GPR179: variants seen among roughly 807,000 people sequenced by gnomAD.
GPR179 encodes the protein G protein-coupled receptor 179.
Under a neutral mutation model 70.8 loss-of-function variants are expected in GPR179, and 52 were observed. The ratio of observed to expected loss-of-function variants is 0.73; its 90% CI spans 0.59 to 0.93. GPR179 has a LOEUF of 0.93. Ranked by LOEUF, GPR179 falls within the 40% of genes least tolerant of loss-of-function variation. The pLI, the probability that GPR179 is intolerant of heterozygous loss-of-function variation, is 0.00. For synonymous variants in GPR179, 1,123 were observed against 1,169.0 expected (o/e 0.96, Z 0.80); for missense variants, 2,734 against 2,966.8 (o/e 0.92, Z 1.82).
chr17:38,335,493 G>T (rs4794778), intron 6 of GPR179, 98 bp downstream of exon 6: 769,737 of 910,278 alleles, frequency 0.85, 331,330 homozygotes, highest in East Asian at 0.89. Flanking sequence ...AGGGGAGTGG[G>T]GCTGGCAAGG....
Position 38,337,629 on chromosome 17 carries a change from AT to A in GPR179, c.991+3del. 1.9e-6 allele frequency: 3 copies of A among 1,604,576 alleles called. No homozygotes were observed. The highest frequency in any genetic ancestry group is 3.4e-5 in the Admixed American group (2 of 58,264). Reference sequence around the variant, plus strand: ...CATGCCTGGCCCCCACCACACTTACATACCCCCAGAGGGGCTTGCCCCGTAG... The same window carrying A: ...CATGCCTGGCCCCCACCACACTTACAACCCCCAGAGGGGCTTGCCCCGTAG... On this transcript the variant is annotated splice_donor_region_variant and intron_variant, in intron 3 of 10. Coordinates refer to ENST00000616987, the MANE Select transcript of GPR179 (RefSeq NM_001004334.4).
Position 38,343,750 on chromosome 17 carries a change from C to A in GPR179, c.40G>T (p.Gly14Trp), listed in dbSNP as rs1451718907. The A allele has an allele frequency of 6.5e-7, 1 of 1,542,238 alleles. No homozygotes were observed. Among genetic ancestry groups the A allele is most frequent in the African/African-American group, 1.4e-5 (1 of 72,890 alleles). The change falls in exon 1 of 11, where the codon GGG (glycine) becomes TGG (tryptophan). Residue 14 changes from glycine to tryptophan, a missense_variant. Gly to Trp is a radical substitution (Grantham distance 184, BLOSUM62 -2). Coordinates refer to ENST00000616987, the MANE Select transcript of GPR179 (RefSeq NM_001004334.4). The surrounding 1 kb of genome is among the most constrained non-coding windows in gnomAD (Gnocchi z 4.2). ...RGAVMPPPMWGLLGCCFVCAW... is the reference protein window; with the variant it reads ...RGAVMPPPMWWLLGCCFVCAW... ...CAGACAAAACAGCAGCCCAGCAGCCCCCACATAGGAGGGGGCATGACCGCT... is the reference window on the plus strand; with the variant it reads ...CAGACAAAACAGCAGCCCAGCAGCCACCACATAGGAGGGGGCATGACCGCT...
intron 2 of GPR179, among the ~76,000 whole-genome samples, chr17:38,339,045 A>G (rs73985905): frequency 0.011 from 1,632 of 152,302 alleles, 34 homozygotes; most frequent in African/African-American, 0.037. Flanking sequence ...AGAGGAGCCC[A>G]GAGCTGTGTT....
Position 38,329,827 on chromosome 17 carries a change from C to T in GPR179, c.3742G>A (p.Val1248Ile), listed in dbSNP as rs768536049. ...HRVAEVCPWE[V>I]TESETRQPDS... Reference sequence around the variant, plus strand: ...GGCTGACGCGTTTCTGATTCAGTGACCTCCCAGGGGCATACCTCTGCCACC... The same window carrying T: ...GGCTGACGCGTTTCTGATTCAGTGATCTCCCAGGGGCATACCTCTGCCACC... The change falls in exon 11 of 11, where the codon GTC becomes ATC. Residue 1248 changes from valine (V) to isoleucine (I), a missense_variant. Physicochemically the swap from Val to Ile is conservative, Grantham distance 29 (BLOSUM62 3). Transcript: ENST00000616987. 2 of 1,614,092 alleles carry T rather than the reference C, an allele frequency of 1.2e-6. No homozygotes were observed. Among genetic ancestry groups the T allele is most frequent in the South Asian group, 2.2e-5 (2 of 91,070 alleles).
Position 38,326,732 on chromosome 17 carries a change from G to A in GPR179, c.6837C>T (p.Val2279=). ...GAAAGAAGTGATCCAGAGGCCCATG[G>A]ACTAAAAGGCATAGTGGTTTTTCAG... is the stretch of plus-strand genomic sequence containing the variant. ...TAPEKPLCLL[V]HGPLDHFFPE... is the part of the protein sequence containing the mutation. Residue 2279 remains valine, a synonymous_variant, in exon 11 of 11, where the codon GTC becomes GTT. Transcript: ENST00000616987. 1 of 1,614,220 alleles carries A rather than the reference G, an allele frequency of 6.2e-7. No individual in the cohort carries two copies. The highest frequency in any genetic ancestry group is 8.5e-7 in the Non-Finnish European group (1 of 1,180,034).
At chr17:38,335,348 C>T in intron 6 of GPR179, 77 bp from the exon 7 acceptor site, 1 of 1,085,362 alleles carries the variant, frequency 9.2e-7, no homozygotes, top group South Asian at 1.5e-5. Flanking sequence ...GCCCTGGTCT[C>T]TGTCCATTGC....
rs1346285588 is a variant in GPR179, at chr17:38,330,447, C to T, written c.3122G>A (p.Arg1041Lys). ...RALSVAVEKS[R>K]AGENEMDAED... The stretch of plus-strand genomic sequence containing the variant: ...TGCGTCCATCTCATTCTCCCCAGCC[C>T]TGCTTTTCTCTACTGCAACAGAGAG... Residue 1041 changes from arginine (R) to lysine (K), a missense_variant, in exon 11 of 11, where the codon AGG (arginine) becomes AAG (lysine). Coordinates refer to ENST00000616987, the MANE Select transcript of GPR179 (RefSeq NM_001004334.4). 1 of 1,575,408 alleles carries T rather than the reference C, an allele frequency of 6.3e-7. No individual in the cohort carries two copies. Among genetic ancestry groups the T allele is most frequent in the Non-Finnish European group, 8.6e-7 (1 of 1,157,928 alleles).
rs201453815 is a variant in GPR179 at position 38,328,596 on chromosome 17, C to A, written c.4973G>T (p.Ser1658Ile). 83 of 1,614,146 alleles carry A rather than the reference C, an allele frequency of 5.1e-5. No homozygotes were observed. In the African/African-American group the frequency reaches 9.9e-4, roughly 19 times the overall value. ...VGPWESVDPG[S>I]FSPQPRPQDT... ...TTGAGGACGTGGTTGTGGGGAGAAG[C>A]TGCCAGGGTCCACACTCTCCCAGGG... is the stretch of plus-strand genomic sequence containing the variant. Residue 1658 changes from serine (S) to isoleucine (I), a missense_variant, in exon 11 of 11, where the codon AGC becomes ATC. Transcript: ENST00000616987.
At chr17:38,337,495 G>A (rs1481805044) in intron 3 of GPR179, 138 bp downstream of exon 3, 2 of 772,346 alleles carry the variant, frequency 2.6e-6, no homozygotes, top group African/African-American at 1.8e-5. Flanking sequence ...TGCCTCTCCT[G>A]CCTCTCTCAA....
At chr17:38,340,049 G>T (rs1332275967) in intron 1 of GPR179, among the ~76,000 whole-genome samples, 1 of 152,208 alleles carries the variant, frequency 6.6e-6, no homozygotes, top group African/African-American at 2.4e-5. Context: ...TTAGATCATA[G>T]ACTTTTTTGT....
rs2037300380 is a variant in GPR179, at chr17:38,327,578, C to CA, written c.5990dup (p.Cys1998ValfsTer7). 2 of 1,614,164 alleles carry CA rather than the reference C, an allele frequency of 1.2e-6. No individual in the cohort carries two copies. The highest frequency in any genetic ancestry group is 1.7e-6 in the Non-Finnish European group (2 of 1,180,036). Reference sequence around the variant, plus strand: ...CTGCATCAGGAACATCCCATGGGCACACGTCAGCGGCCCTGCCCCCAGTGC... The same window carrying CA: ...CTGCATCAGGAACATCCCATGGGCACAACGTCAGCGGCCCTGCCCCCAGTGC... On this transcript the variant is annotated frameshift_variant, in exon 11 of 11. Transcript: ENST00000616987. LOFTEE classifies it low-confidence loss of function (END_TRUNC).
intron 10 of GPR179, among the ~76,000 whole-genome samples, chr17:38,332,964 G>A (rs1374734849): frequency 6.6e-6 from 1 of 152,262 alleles, no homozygotes; most frequent in Non-Finnish European, 1.5e-5. Flanking sequence ...TGAGAGTGGA[G>A]GATGCGAAGG....
intron 1 of GPR179, among the ~76,000 whole-genome samples, chr17:38,342,100 G>A (rs1023283824): frequency 2.6e-5 from 4 of 151,942 alleles, no homozygotes; most frequent in African/African-American, 7.2e-5. Context: ...CTGGGCGACA[G>A]AGCGAGACTC....
chr17:38,333,315 G>A lies in GPR179; in HGVS notation c.1973C>T (p.Ser658Phe). The A allele has an allele frequency of 6.2e-7, 1 of 1,614,052 alleles. No individual in the cohort carries two copies. The highest frequency in any genetic ancestry group is 8.5e-7 in the Non-Finnish European group (1 of 1,179,958). ...TGAGGCGATGCTGCTGCCAAGGTAG[G>A]AGCCTGAGTGCTGCAGGTCCAGCTC... ...EDELDLQHSG[S>F]YLGSSIASAW... The change falls in exon 10 of 11, where the codon TCC (serine) becomes TTC (phenylalanine). Residue 658 changes from serine to phenylalanine, a missense_variant. Transcript: ENST00000616987.
In GPR179 at chr17:38,343,494, G is replaced by A. The variant is rs201405656; in HGVS notation, c.296C>T (p.Ala99Val). Residue 99 changes from alanine to valine, a missense_variant, in exon 1 of 11, where the codon GCG becomes GTG. Ala to Val is a moderately conservative substitution (Grantham distance 64). Coordinates refer to ENST00000616987, the MANE Select transcript of GPR179 (RefSeq NM_001004334.4). This position sits in a 1 kb window ranked among gnomAD's most constrained non-coding sequence, Gnocchi z 4.2. ...PGLPPSLQGAAGTLAQAANFL... is the reference protein window; with the variant it reads ...PGLPPSLQGAVGTLAQAANFL... The stretch of plus-strand genomic sequence containing the variant: ...ATTGGCGGCCTGGGCAAGGGTGCCC[G>A]CTGCCCCCTGTAGGCTTGGGGGGAG... 5.6e-6 allele frequency: 9 copies of A among 1,613,814 alleles called. No individual in the cohort carries two copies. The highest frequency in any genetic ancestry group is 1.6e-4 in the Middle Eastern group (1 of 6,062).
At position 38,335,203 on chromosome 17, in the gene GPR179, C is replaced by T. The variant is rs1334827836; in HGVS notation, c.1475G>A (p.Arg492Gln). The change falls in exon 7 of 11, where the codon CGG (arginine) becomes CAG (glutamine). Residue 492 changes from arginine (R) to glutamine (Q), a missense_variant. Arg to Gln is a conservative substitution (Grantham distance 43, BLOSUM62 1). Coordinates refer to ENST00000616987, the MANE Select transcript of GPR179 (RefSeq NM_001004334.4). The stretch of plus-strand genomic sequence containing the variant: ...AGGTAGCAGGAGCAGCCCCAGGTGC[C>T]GCAGCAGCCGCCCGCTGCTCAGAAG... The part of the protein sequence containing the change: ...SALLSSGRLL[R>Q]HLGLLLLPVL... 15 of 1,556,838 alleles carry T rather than the reference C, an allele frequency of 9.6e-6. No homozygotes were observed. Among genetic ancestry groups the T allele is most frequent in the Admixed American group, 3.9e-5 (2 of 51,358 alleles).
In GPR179 at chr17:38,332,253, G is replaced by A. The variant is rs189280785; in HGVS notation, c.2038-722C>T. On this transcript the variant is annotated intron_variant, in intron 10 of 10. Transcript: ENST00000616987. ...CTTTGTGGGCCTGTAAACAAGTCAG[G>A]TGTGAAGACGGCCCCAGTAGAGGTG... Among the ~76,000 whole-genome samples the A allele has an allele frequency of 5.3e-5, 8 of 152,296 alleles. No homozygotes were observed. The East Asian group carries it at 1.4e-3, about 26-fold the overall frequency.
Position 38,327,024 on chromosome 17 carries a change from A to G in GPR179, c.6545T>C (p.Val2182Ala), listed in dbSNP as rs1296484210. The change falls in exon 11 of 11, where the codon GTC (valine) becomes GCC (alanine). Residue 2182 changes from valine (V) to alanine (A), a missense_variant. Val to Ala is a moderately conservative substitution (Grantham distance 64). Transcript: ENST00000616987. ...TGAGCCTGTGCCTTCCCCAGGGCAG[A>G]CTGCCTCCTGCTCTCTGGGCTTTGC... ...AAAKPREQEAVCPGEGTGSGG... is the reference protein window; with the variant it reads ...AAAKPREQEAACPGEGTGSGG... 1 of 1,614,188 alleles carries G rather than the reference A, an allele frequency of 6.2e-7. No homozygotes were observed. Among genetic ancestry groups the G allele is most frequent in the South Asian group, 1.1e-5 (1 of 91,086 alleles).
rs761990072 is a variant in GPR179, at chr17:38,330,449, G to C, written c.3120C>G (p.Ser1040Arg). The C allele has an allele frequency of 6.3e-7, 1 of 1,574,836 alleles. No homozygotes were observed. The highest frequency in any genetic ancestry group is 1.2e-5 in the South Asian group (1 of 84,944). Reference protein sequence around the residue: ...WRALSVAVEKSRAGENEMDAE... With the variant: ...WRALSVAVEKRRAGENEMDAE... ...CGTCCATCTCATTCTCCCCAGCCCT[G>C]CTTTTCTCTACTGCAACAGAGAGGG... The change falls in exon 11 of 11, where the codon AGC (serine) becomes AGG (arginine). Residue 1040 changes from serine to arginine, a missense_variant. Physicochemically the swap from Ser to Arg is moderately radical, Grantham distance 110. Transcript: ENST00000616987.
Sources: gnomAD v4.1 joint callset for allele counts (sites outside exome capture counted in the v4.1 genomes callset) on GRCh38, gnomAD v4.1.1 for gene constraint, Gnocchi (gnomAD v3.1) non-coding constraint, MANE v1.5 for transcripts, NCBI Gene and HGNC (gene_info 2026-07-23, HGNC 2026-07-21) for gene names.